HAUS7: variants seen among roughly 807,000 people sequenced by gnomAD.
HAUS7 encodes HAUS augmin-like complex subunit 7.
HAUS7 carries 3 observed loss-of-function variants against 28.4 expected under a neutral mutation model. That is an observed-to-expected ratio of 0.11 (90% CI 0.05 to 0.27). The LOEUF (loss-of-function observed/expected upper bound fraction) is 0.27. Ranked by LOEUF, HAUS7 falls within the 10% of genes least tolerant of loss-of-function variation. The probability of loss-of-function intolerance (pLI) is 1.00; values close to 1 mark genes in which losing one functional copy is unlikely to be tolerated. For missense variants in HAUS7, 284 were observed against 297.3 expected (o/e 0.96, Z 0.33); for synonymous variants, 165 against 132.1 (o/e 1.25, Z -1.71).
At chrX:153,474,737 G>C (rs1490108713), upstream of HAUS7, among the ~76,000 whole-genome samples, 2 of 101,233 alleles carry the variant, frequency 2.0e-5, no homozygotes, top group Admixed American at 1.0e-4. Flanking sequence ...GGGCGGGGGC[G>C]CGGGCGCTGG....
chrX:153,461,046 A>AG (rs2089382688), intron 4 of HAUS7, among the ~76,000 whole-genome samples: 1 of 112,333 alleles, frequency 8.9e-6, no homozygotes, highest in Admixed American at 9.4e-5. Context: ...GCGCACACAC[A>AG]GGGGGGACCC....
At chrX:153,462,159 A>G in intron 4 of HAUS7, 1 of 1,021,657 alleles carries the variant, frequency 9.8e-7, no homozygotes, top group East Asian at 3.5e-5. Context: ...GAGTGAAAAC[A>G]ATTATTTCAA....
intron 9 of HAUS7, among the ~76,000 whole-genome samples, chrX:153,448,416 G>T (rs1398211980): frequency 3.1e-5 from 3 of 96,662 alleles, no homozygotes; most frequent in African/African-American, 1.2e-4. Flanking sequence ...AGGGAGGAGG[G>T]ATAGCATTAG....
chrX:153,449,504 C>T lies in HAUS7; in HGVS notation c.1046-1595G>A, dbSNP rs55833312. 1.9e-4 allele frequency among the ~76,000 whole-genome samples: 22 copies of T among 112,854 alleles called. No homozygotes were observed. In the East Asian group the frequency reaches 5.1e-3, roughly 26 times the overall value. ...CGTGTGGCATCTGCCCTTATCAAAT[C>T]GTCTAGACCTCCATCCCGGCCTTCC... is the stretch of plus-strand genomic sequence containing the variant. On this transcript the variant is annotated intron_variant, in intron 9 of 9. Transcript: ENST00000370211.
chrX:153,449,245 G>A (rs2089207499), intron 9 of HAUS7, among the ~76,000 whole-genome samples: 1 of 112,161 alleles, frequency 8.9e-6, no homozygotes, highest in African/African-American at 3.2e-5. Context: ...ATTAAGTGCT[G>A]TGAACCCTGA....
chrX:153,456,463 G>C, intron 6 of HAUS7, 30 bp downstream of exon 6: 1 of 1,177,156 alleles, frequency 8.5e-7, no homozygotes. Context: ...AGGCCAGGGT[G>C]CTGCCACTGA....
chrX:153,467,433 G>A (rs2089467272), intron 2 of HAUS7, among the ~76,000 whole-genome samples: 1 of 111,628 alleles, frequency 9.0e-6, no homozygotes, highest in South Asian at 3.7e-4. Context: ...CAAAGGCCTT[G>A]GCACAGCATG....
In HAUS7 at chrX:153,450,847, G is replaced by A. The variant is rs185075760; in HGVS notation, c.1046-2938C>T. 7.1e-5 allele frequency among the ~76,000 whole-genome samples: 8 copies of A among 112,604 alleles called. No individual in the cohort carries two copies. In the East Asian group the frequency reaches 2.2e-3, roughly 32 times the overall value. ...GCACAGAAACACGGCCTTCCACAGCGGGAGGAGGGCCATCGAGACCACGGC... is the reference window on the plus strand; with the variant it reads ...GCACAGAAACACGGCCTTCCACAGCAGGAGGAGGGCCATCGAGACCACGGC... On this transcript the variant is annotated intron_variant, in intron 9 of 9. Transcript: ENST00000370211.
intron 1 of HAUS7, among the ~76,000 whole-genome samples, chrX:153,491,828 G>A (rs782431034): frequency 3.5e-5 from 4 of 113,219 alleles, no homozygotes; most frequent in African/African-American, 9.6e-5. Context: ...CTGAGCTCTC[G>A]GCTCCATCCG....
chrX:153,479,945 C>T (rs2089588275), intron 1 of HAUS7, among the ~76,000 whole-genome samples: 2 of 111,787 alleles, frequency 1.8e-5, no homozygotes, highest in African/African-American at 6.5e-5. Context: ...TCCAAAGTGG[C>T]TCACAGACCC....
intron 1 of HAUS7, chrX:153,480,738 GCCCTGA>G (rs1185227122): frequency 3.3e-5 from 25 of 753,782 alleles, no homozygotes; most frequent in Non-Finnish European, 3.8e-5. Context: ...GCCAGGGCTG[GCCCTGA>G]GGAAGGAGTC....
intron 9 of HAUS7, among the ~76,000 whole-genome samples, chrX:153,450,237 C>T (rs970361574): frequency 8.9e-6 from 1 of 112,444 alleles, no homozygotes; most frequent in Non-Finnish European, 1.9e-5. Flanking sequence ...CCCGGGCTGC[C>T]GCCAGCCACA....
At chrX:153,463,770 G>A (rs962963885) in intron 3 of HAUS7, among the ~76,000 whole-genome samples, 5 of 112,795 alleles carry the variant, frequency 4.4e-5, no homozygotes, top group African/African-American at 1.6e-4. Context: ...CTGGGGCCCT[G>A]TGCGCATGCT....
At chrX:153,462,776 GA>G (rs1442377563) in intron 3 of HAUS7, 105 bp from the exon 4 acceptor site, 3 of 634,047 alleles carry the variant, frequency 4.7e-6, no homozygotes, top group Non-Finnish European at 7.8e-6. Flanking sequence ...GGGTATAGGA[GA>G]CCAGGGTGGG....
intron 4 of HAUS7, among the ~76,000 whole-genome samples, chrX:153,458,432 C>T (rs1431368541): frequency 2.7e-5 from 3 of 113,111 alleles, no homozygotes; most frequent in Admixed American, 1.9e-4. Flanking sequence ...GAGGATCACG[C>T]GTGTCCCAGC....
At chrX:153,474,157 G>A (rs1265276386), upstream of HAUS7, among the ~76,000 whole-genome samples, 3 of 112,463 alleles carry the variant, frequency 2.7e-5, no homozygotes, top group Non-Finnish European at 5.6e-5. Flanking sequence ...ACTCTACAAC[G>A]TTCTCCTCCT....
intron 1 of HAUS7, among the ~76,000 whole-genome samples, chrX:153,469,814 T>C (rs979822147): frequency 2.7e-5 from 3 of 110,680 alleles, no homozygotes; most frequent in Non-Finnish European, 5.7e-5. Flanking sequence ...AGACTAAGAC[T>C]TAAGAGAGAG....
intron 9 of HAUS7, among the ~76,000 whole-genome samples, chrX:153,454,052 G>T (rs1556981477): frequency 9.0e-6 from 1 of 111,080 alleles, no homozygotes; most frequent in Non-Finnish European, 1.9e-5. Flanking sequence ...GCTCAAAGTG[G>T]TTCATCCTCC....
intron 4 of HAUS7, chrX:153,462,225 T>C (rs1202796201): frequency 3.0e-5 from 22 of 735,545 alleles, no homozygotes; most frequent in Non-Finnish European, 3.4e-5. Flanking sequence ...GCAGGGTAGA[T>C]GAGGGACCTC....
Sources: gnomAD v4.1 joint callset for allele counts (sites outside exome capture counted in the v4.1 genomes callset) on GRCh38, gnomAD v4.1.1 for gene constraint, MANE v1.5 for transcripts, NCBI Gene and HGNC (gene_info 2026-07-23, HGNC 2026-07-21) for gene names.